ALPK1: variants seen among roughly 807,000 people sequenced by gnomAD.
ALPK1 encodes the protein alpha kinase 1.
Under a neutral mutation model 120.6 loss-of-function variants are expected in ALPK1, and 110 were observed. That is an observed-to-expected ratio of 0.91 (90% CI 0.78 to 1.07). The LOEUF (loss-of-function observed/expected upper bound fraction) is 1.07, where lower values mean the gene tolerates loss of function less well. Among genes scored for constraint, ALPK1 ranks in the 50% least tolerant of loss-of-function variants. The pLI, the probability that ALPK1 is intolerant of heterozygous loss-of-function variation, is 0.00. For synonymous variants in ALPK1, 582 were observed against 560.3 expected (o/e 1.04, Z -0.55); for missense variants, 1,498 against 1,483.9 (o/e 1.01, Z -0.16).
intron 2 of ALPK1, chr4:112,357,380 T>C: frequency 1.4e-6 from 1 of 696,546 alleles, no homozygotes. Context: ...GCTGGGGGCC[T>C]ATAAAGTGCA....
intron 2 of ALPK1, among the ~76,000 whole-genome samples, chr4:112,333,462 T>C (rs1729472724): frequency 6.6e-6 from 1 of 152,214 alleles, no homozygotes. Flanking sequence ...ATTCTAATAT[T>C]TCTATCTCTA....
chr4:112,352,644 A>C (rs1035119387), intron 2 of ALPK1: 1 of 152,168 alleles, frequency 6.6e-6, no homozygotes, highest in African/African-American at 2.4e-5. Context: ...GTTTTTCTAA[A>C]TATTTTGATC....
chr4:112,436,797 GACAGCAGCCCTGAT>G (rs1252843447), intron 12 of ALPK1, among the ~76,000 whole-genome samples: 1 of 152,156 alleles, frequency 6.6e-6, no homozygotes. Context: ...GGCATGTTGT[GACAGCAGCCCTGAT>G]ACACCAGAGT....
chr4:112,375,466 C>T (rs1277775228), intron 2 of ALPK1, among the ~76,000 whole-genome samples: 1 of 152,192 alleles, frequency 6.6e-6, no homozygotes, highest in Non-Finnish European at 1.5e-5. Flanking sequence ...GCTGCTTCAT[C>T]TTGCACTTTT....
At chr4:112,423,326 T>C (rs1734080537) in intron 5 of ALPK1, among the ~76,000 whole-genome samples, 1 of 151,964 alleles carries the variant, frequency 6.6e-6, no homozygotes. Flanking sequence ...GTGACTGAAG[T>C]AGAGGGCCAA....
intron 5 of ALPK1, among the ~76,000 whole-genome samples, chr4:112,420,948 T>C (rs1426961716): frequency 6.6e-6 from 1 of 152,156 alleles, no homozygotes; most frequent in Non-Finnish European, 1.5e-5. Context: ...TTCTCCTGTC[T>C]CAGCCTCCCG....
intron 1 of ALPK1, among the ~76,000 whole-genome samples, chr4:112,297,840 G>C (rs187818245): frequency 6.6e-6 from 1 of 152,040 alleles, no homozygotes; most frequent in African/African-American, 2.4e-5. Context: ...GGATTGTTAG[G>C]ATTATTTGTT....
chr4:112,418,001 A>G (rs945528247), intron 5 of ALPK1, among the ~76,000 whole-genome samples: 8 of 152,224 alleles, frequency 5.3e-5, no homozygotes, highest in African/African-American at 1.9e-4. Context: ...TTACTATTTC[A>G]GGGGATTAGA....
intron 2 of ALPK1, among the ~76,000 whole-genome samples, chr4:112,320,654 G>A (rs965262168): frequency 6.6e-6 from 1 of 152,090 alleles, no homozygotes; most frequent in African/African-American, 2.4e-5. Flanking sequence ...ATTCAACTGT[G>A]AATTCATCTG....
intron 2 of ALPK1, among the ~76,000 whole-genome samples, chr4:112,350,737 G>T (rs999588232): frequency 1.1e-4 from 17 of 152,144 alleles, no homozygotes; most frequent in African/African-American, 3.9e-4. Flanking sequence ...GCTTACTCCT[G>T]CCTCTTCACC....
chr4:112,333,049 A>T (rs1431729581), intron 2 of ALPK1, among the ~76,000 whole-genome samples: 1 of 152,186 alleles, frequency 6.6e-6, no homozygotes. Flanking sequence ...AGACTATGAG[A>T]CTGTGGTCCC....
chr4:112,426,400 T>C (rs751982149), intron 7 of ALPK1, 67 bp from the exon 8 acceptor site: 1 of 1,246,100 alleles, frequency 8.0e-7, no homozygotes, highest in South Asian at 1.3e-5. Context: ...AGGTTTTCTC[T>C]ATACAAGAGC....
At chr4:112,391,496 T>G (rs1411974962) in intron 4 of ALPK1, among the ~76,000 whole-genome samples, 1 of 152,218 alleles carries the variant, frequency 6.6e-6, no homozygotes, top group African/African-American at 2.4e-5. Flanking sequence ...CTCAGAGGAC[T>G]TTATTTGAAA....
At chr4:112,393,437 C>T (rs1732513471) in intron 4 of ALPK1, among the ~76,000 whole-genome samples, 1 of 152,088 alleles carries the variant, frequency 6.6e-6, no homozygotes, top group Non-Finnish European at 1.5e-5. Context: ...GTAGATCTTA[C>T]AGAAGTACCT....
Position 112,341,541 on chromosome 4 carries a change from G to A in ALPK1, c.-101+25689G>A, listed in dbSNP as rs143143578. Among the ~76,000 whole-genome samples, 232 of 152,328 alleles carry A rather than the reference G, an allele frequency of 1.5e-3. 1 individual carries two copies. Among genetic ancestry groups the A allele is most frequent in the African/African-American group, 4.5e-3 (189 of 41,566 alleles). ...AGCCATCTTTGATCTAAAAATATGT[G>A]CTGTACCAAATTCATTATGTCTTTT... On this transcript the variant is annotated intron_variant, in intron 2 of 15. Coordinates refer to ENST00000650871, the MANE Select transcript of ALPK1 (RefSeq NM_025144.4).
At chr4:112,422,268 A>C (rs1335188195) in intron 5 of ALPK1, among the ~76,000 whole-genome samples, 2 of 152,204 alleles carry the variant, frequency 1.3e-5, no homozygotes, top group African/African-American at 4.8e-5. Context: ...GAAACTGCAG[A>C]AAGGGAAACT....
At chr4:112,340,293 C>A (rs1040481585) in intron 2 of ALPK1, among the ~76,000 whole-genome samples, 4 of 152,160 alleles carry the variant, frequency 2.6e-5, no homozygotes, top group African/African-American at 9.7e-5. Flanking sequence ...GCAAACATTG[C>A]GTAATATAGA....
Position 112,442,194 on chromosome 4 carries a change from G to C in ALPK1, c.*984G>C, listed in dbSNP as rs1389179650. 6.6e-6 allele frequency: 1 copy of C among 152,110 alleles called. No individual in the cohort carries two copies. Among genetic ancestry groups the C allele is most frequent in the Admixed American group, 6.5e-5 (1 of 15,274 alleles). 9.4% of individuals were successfully genotyped at this position (152,110 alleles called of 1,614,324 possible). A position where few individuals can be genotyped will look rare whatever the true frequency, so the allele number is the denominator to read the frequency against. On this transcript the variant is annotated 3_prime_UTR_variant, in exon 16 of 16. Coordinates refer to ENST00000650871, the MANE Select transcript of ALPK1 (RefSeq NM_025144.4). ...AACTGCCTCAATTACCTCCTACCAGGTCCTTCCCATGACACATGGGAATTA... is the reference window on the plus strand; with the variant it reads ...AACTGCCTCAATTACCTCCTACCAGCTCCTTCCCATGACACATGGGAATTA...
At chr4:112,382,318 A>T in intron 3 of ALPK1, 80 bp from the exon 4 acceptor site, 2,069 of 661,226 alleles carry the variant, frequency 3.1e-3, no homozygotes, top group Non-Finnish European at 4.6e-3. Flanking sequence ...TTTGCCACTG[A>T]GGTGCTTCAT....
Sources: gnomAD v4.1 joint callset for allele counts (sites outside exome capture counted in the v4.1 genomes callset) on GRCh38, gnomAD v4.1.1 for gene constraint, MANE v1.5 for transcripts, NCBI Gene and HGNC (gene_info 2026-07-23, HGNC 2026-07-21) for gene names.